The following PRAG1 variants were observed in gnomAD, a reference collection of about 807,000 sequenced individuals.
PRAG1 encodes the protein inactive tyrosine-protein kinase PRAG1.
PRAG1 carries 110 observed loss-of-function variants against 95.6 expected under a neutral mutation model. The observed-to-expected ratio is 1.15, with a 90% CI of 0.99 to 1.35. PRAG1 has a LOEUF of 1.35. Ranked by LOEUF, PRAG1 falls within the 40% of genes most tolerant of loss-of-function variation. The pLI, the probability that PRAG1 is intolerant of heterozygous loss-of-function variation, is 0.00. For missense variants in PRAG1, 2,554 were observed against 1,864.7 expected, an observed-to-expected ratio of 1.37 and a Z score of -6.81; for synonymous variants, 1,052 against 819.4, an observed-to-expected ratio of 1.28 and a Z score of -4.85.
intron 4 of PRAG1, among the ~76,000 whole-genome samples, chr8:8,329,206 A>C (rs1372970518): frequency 2.0e-5 from 3 of 152,086 alleles, no homozygotes; most frequent in Non-Finnish European, 2.9e-5. Context: ...CAGCCTGGCC[A>C]ACATGGTGAA....
At chr8:8,328,494 G>C in intron 4 of PRAG1, 33 bp from the exon 5 acceptor site, 1 of 1,605,940 alleles carries the variant, frequency 6.2e-7, no homozygotes, top group South Asian at 1.1e-5. Flanking sequence ...ATAAGACCAA[G>C]GCCAGTGCCA....
intron 3 of PRAG1, among the ~76,000 whole-genome samples, chr8:8,341,982 T>C (rs945094668): frequency 3.3e-5 from 5 of 151,854 alleles, no homozygotes; most frequent in African/African-American, 1.2e-4. Flanking sequence ...CATACAAAAA[T>C]TAGCCAGGCA....
At position 8,381,768 on chromosome 8, in the gene PRAG1, G is replaced by T; in HGVS notation, c.-21C>A. 6.5e-7 allele frequency: 1 copy of T among 1,547,212 alleles called. No homozygotes were observed. Among genetic ancestry groups the T allele is most frequent in the Non-Finnish European group, 8.7e-7 (1 of 1,142,862 alleles). On this transcript the variant is annotated 5_prime_UTR_variant, in exon 2 of 6. Transcript: ENST00000615670. ...TGCATCTTGAGCCGACAGGGTGCTG[G>T]TTCATCTTGCGCCCGGCTCTCTGGT...
In PRAG1 at chr8:8,371,330, G is replaced by A. The variant is rs1800195827; in HGVS notation, c.2162+4917C>T. On this transcript the variant is annotated intron_variant, in intron 3 of 5. Coordinates refer to ENST00000615670, the MANE Select transcript of PRAG1 (RefSeq NM_001080826.3). ...GGCTGGAGCTCAGTGGTGCGATCTCGGCTCCCTGCAAGCTCCGCCTCCCGG... is the reference window on the plus strand; with the variant it reads ...GGCTGGAGCTCAGTGGTGCGATCTCAGCTCCCTGCAAGCTCCGCCTCCCGG... Among the ~76,000 whole-genome samples, 3 of 151,582 alleles carry A rather than the reference G, an allele frequency of 2.0e-5. No homozygotes were observed. In the South Asian group the frequency reaches 6.3e-4, roughly 32 times the overall value.
At chr8:8,322,934 G>C (rs1267372892) in intron 5 of PRAG1, among the ~76,000 whole-genome samples, 2 of 152,170 alleles carry the variant, frequency 1.3e-5, no homozygotes, top group Non-Finnish European at 2.9e-5. Context: ...TGGGAACATG[G>C]TCTCAGGATC....
intron 4 of PRAG1, among the ~76,000 whole-genome samples, chr8:8,329,410 G>T (rs1185585163): frequency 7.1e-6 from 1 of 141,456 alleles, no homozygotes; most frequent in Non-Finnish European, 1.6e-5. Flanking sequence ...AATAATAATG[G>T]GTTGCAGCCC....
At chr8:8,322,831 C>T (rs188761163) in intron 5 of PRAG1, among the ~76,000 whole-genome samples, 8 of 152,256 alleles carry the variant, frequency 5.3e-5, no homozygotes, top group Middle Eastern at 3.4e-3. Flanking sequence ...GAAGCTCCCC[C>T]GGCCCCCTCA....
chr8:8,319,906 C>G (rs1471985542), intron 5 of PRAG1, among the ~76,000 whole-genome samples: 12 of 152,190 alleles, frequency 7.9e-5, no homozygotes, highest in Admixed American at 2.0e-4. Context: ...TCAGTTCACG[C>G]CCACTAGAAT....
chr8:8,334,024 G>A (rs542703512), intron 4 of PRAG1, among the ~76,000 whole-genome samples: 2 of 152,330 alleles, frequency 1.3e-5, no homozygotes, highest in Admixed American at 6.5e-5. Context: ...GAGGATGAAG[G>A]GTGGGGCAGA....
At chr8:8,367,251 G>C (rs1800037655) in intron 3 of PRAG1, among the ~76,000 whole-genome samples, 1 of 151,570 alleles carries the variant, frequency 6.6e-6, no homozygotes. Context: ...ATGAGGTCAG[G>C]AGTTCAAGAC....
At chr8:8,359,739 C>T (rs1222641763) in intron 3 of PRAG1, among the ~76,000 whole-genome samples, 1 of 152,186 alleles carries the variant, frequency 6.6e-6, no homozygotes, top group Non-Finnish European at 1.5e-5. Context: ...CGTAGCTTTC[C>T]TCAGTTTCCT....
rs548666741 is a variant in PRAG1 at position 8,363,138 on chromosome 8, T to C, written c.2162+13109A>G. Among the ~76,000 whole-genome samples, 5 of 150,228 alleles carry C rather than the reference T, an allele frequency of 3.3e-5. No individual in the cohort carries two copies. The South Asian group carries it at 1.0e-3, about 31-fold the overall frequency. On this transcript the variant is annotated intron_variant, in intron 3 of 5. Coordinates refer to ENST00000615670, the MANE Select transcript of PRAG1 (RefSeq NM_001080826.3). ...ATATAATATACTTATCCTTTTACAC[T>C]TAATGACTATATAAGGTTTAACAAA...
At chr8:8,381,326 C>A (rs1254268976) in intron 2 of PRAG1, 92 bp downstream of exon 2, 20 of 1,329,480 alleles carry the variant, frequency 1.5e-5, no homozygotes, top group Non-Finnish European at 2.0e-5. Flanking sequence ...AGGTTTCTTG[C>A]TGGAACAGCC....
Position 8,318,318 on chromosome 8 carries a change from T to C in PRAG1, c.4057A>G (p.Asn1353Asp), listed in dbSNP as rs767246896. 40 of 1,614,002 alleles carry C rather than the reference T, an allele frequency of 2.5e-5. No individual in the cohort carries two copies. The highest frequency in any genetic ancestry group is 3.2e-5 in the Non-Finnish European group (38 of 1,179,980). The change falls in exon 6 of 6, where the codon AAC becomes GAC. Residue 1353 changes from asparagine to aspartate, a missense_variant. Physicochemically the swap from Asn to Asp is conservative, Grantham distance 23. Transcript: ENST00000615670. The surrounding 1 kb of genome is among the most constrained non-coding windows in gnomAD (Gnocchi z 4.2). ...SEEALCGTLH[N>D]WIDMKRALMM... ...AGGGCCCGCTTCATGTCGATCCAGT[T>C]GTGCAGCGTGCCGCACAGCGCCTCC...
At chr8:8,367,929 T>C (rs1217968636) in intron 3 of PRAG1, among the ~76,000 whole-genome samples, 1 of 152,154 alleles carries the variant, frequency 6.6e-6, no homozygotes, top group Non-Finnish European at 1.5e-5. Flanking sequence ...GCGTGAGCCA[T>C]CACGCCTGGC....
intron 1 of PRAG1, among the ~76,000 whole-genome samples, chr8:8,382,666 AT>A (rs1381228206): frequency 2.6e-5 from 4 of 152,214 alleles, no homozygotes; most frequent in Admixed American, 6.5e-5. Context: ...CAAAAAATTC[AT>A]TGCTTCTTAG....
chr8:8,376,942 G>C lies in PRAG1; in HGVS notation c.1467C>G (p.Tyr489Ter). ...CCACTGCAGAGTCAGGGCTGCTCAG[G>C]TAGATCGTCCGATGGTCCTCTTCCG... ...AHPEEDHRTI[Y>*]LSSPDSAVGV... The change falls in exon 3 of 6, where the codon TAC (tyrosine) becomes TAG (stop). Residue 489 changes from tyrosine (Y) to a stop codon, truncating the protein, a stop_gained. Transcript: ENST00000615670. LOFTEE classifies it high-confidence loss of function. 6.2e-7 allele frequency: 1 copy of C among 1,613,440 alleles called. No individual in the cohort carries two copies. Among genetic ancestry groups the C allele is most frequent in the Non-Finnish European group, 8.5e-7 (1 of 1,180,022 alleles).
At chr8:8,369,567 A>G (rs1385685081) in intron 3 of PRAG1, among the ~76,000 whole-genome samples, 1 of 152,204 alleles carries the variant, frequency 6.6e-6, no homozygotes, top group East Asian at 1.9e-4. Context: ...TCTGTTTACA[A>G]CTGCCCATTT....
In PRAG1 at chr8:8,386,398, G is replaced by T. The variant is rs1320471989; in HGVS notation, c.-165C>A. Reference sequence around the variant, plus strand: ...CCGGCCGGAGCATTGTTCGCAGAAGGTCTGCGCGCGGTGCGTGCCCGGCCG... The same window carrying T: ...CCGGCCGGAGCATTGTTCGCAGAAGTTCTGCGCGCGGTGCGTGCCCGGCCG... On this transcript the variant is annotated 5_prime_UTR_variant, in exon 1 of 6. Transcript: ENST00000615670. 6.6e-6 allele frequency: 1 copy of T among 152,096 alleles called. No homozygotes were observed. The highest frequency in any genetic ancestry group is 6.5e-5 in the Admixed American group (1 of 15,270). 9.4% of individuals were successfully genotyped at this position (152,096 alleles called of 1,614,324 possible). A position where few individuals can be genotyped will look rare whatever the true frequency, so the allele number is the denominator to read the frequency against.
Sources: gnomAD v4.1 joint callset for allele counts (sites outside exome capture counted in the v4.1 genomes callset) on GRCh38, gnomAD v4.1.1 for gene constraint, Gnocchi (gnomAD v3.1) non-coding constraint, MANE v1.5 for transcripts, NCBI Gene and HGNC (gene_info 2026-07-23, HGNC 2026-07-21) for gene names.